The following DIP2C variants were observed in gnomAD, a reference collection of about 807,000 sequenced individuals.
DIP2C encodes the protein disco-interacting protein 2 homolog C.
Under a neutral mutation model 192.4 loss-of-function variants are expected in DIP2C, and 33 were observed. The ratio of observed to expected loss-of-function variants is 0.17; its 90% confidence interval spans 0.13 to 0.23. DIP2C has a LOEUF of 0.23. Ranked by LOEUF, DIP2C falls within the 10% of genes least tolerant of loss-of-function variation. The pLI, the probability that DIP2C is intolerant of heterozygous loss-of-function variation, is 1.00. For synonymous variants in DIP2C, 979 were observed against 864.1 expected (o/e 1.13, Z -2.33); for missense variants, 1,537 against 2,110.1 (o/e 0.73, Z 5.32).
At chr10:578,101 T>G (rs1850292636) in intron 1 of DIP2C, among the ~76,000 whole-genome samples, 1 of 152,256 alleles carries the variant, frequency 6.6e-6, no homozygotes, top group East Asian at 1.9e-4. Context: ...CACAAAGTCC[T>G]TATTTTCCCT....
chr10:386,615 A>G (rs1260434921), intron 14 of DIP2C, among the ~76,000 whole-genome samples: 1 of 152,236 alleles, frequency 6.6e-6, no homozygotes, highest in Non-Finnish European at 1.5e-5. Context: ...CACGGAAAGA[A>G]GCCAGCCGGG....
At chr10:615,764 TTA>T (rs1249253921) in intron 1 of DIP2C, among the ~76,000 whole-genome samples, 2 of 152,128 alleles carry the variant, frequency 1.3e-5, no homozygotes, top group African/African-American at 4.8e-5. Context: ...CTTCTTGACT[TTA>T]GTGTTTAAAA....
At chr10:451,425 A>AACCACAACC (rs1490823037) in intron 3 of DIP2C, among the ~76,000 whole-genome samples, 1 of 152,152 alleles carries the variant, frequency 6.6e-6, no homozygotes. Context: ...GTAAAAACAA[A>AACCACAACC]ACCACAACCA....
At chr10:534,636 G>A (rs1245331167) in intron 1 of DIP2C, among the ~76,000 whole-genome samples, 2 of 151,218 alleles carry the variant, frequency 1.3e-5, no homozygotes, top group African/African-American at 4.9e-5. Context: ...CTCCCAGGCT[G>A]TCATCTTACA....
intron 4 of DIP2C, among the ~76,000 whole-genome samples, chr10:426,776 T>G (rs1346484967): frequency 1.3e-5 from 2 of 152,150 alleles, no homozygotes; most frequent in African/African-American, 4.8e-5. Flanking sequence ...TCAACAAATG[T>G]TGCTGTGGCA....
chr10:340,211 ATT>A (rs139832898), intron 29 of DIP2C, among the ~76,000 whole-genome samples: 3,689 of 152,130 alleles, frequency 0.024, 139 homozygotes, highest in African/African-American at 0.085. Flanking sequence ...TCCACTATAA[ATT>A]TTGAGAAAAT....
At chr10:415,127 G>GCATC (rs1412244084) in intron 7 of DIP2C, among the ~76,000 whole-genome samples, 1 of 151,838 alleles carries the variant, frequency 6.6e-6, no homozygotes, top group Non-Finnish European at 1.5e-5. Flanking sequence ...TAAAATCAGT[G>GCATC]CATCATAAAT....
chr10:281,568 G>C (rs1281877269), intron 35 of DIP2C, among the ~76,000 whole-genome samples: 1 of 152,224 alleles, frequency 6.6e-6, no homozygotes, highest in Non-Finnish European at 1.5e-5. Flanking sequence ...TGTGCTTTGG[G>C]AGAAGATCTT....
chr10:688,529 T>A (rs1564343067), intron 1 of DIP2C, among the ~76,000 whole-genome samples: 1 of 152,140 alleles, frequency 6.6e-6, no homozygotes. Context: ...CATGCTAAAC[T>A]GCTCCAAATA....
chr10:533,625 T>C (rs1463749741), intron 1 of DIP2C, among the ~76,000 whole-genome samples: 1 of 148,438 alleles, frequency 6.7e-6, no homozygotes, highest in African/African-American at 2.5e-5. Flanking sequence ...TGCCTCCCCA[T>C]GCTCTTCCTA....
intron 3 of DIP2C, among the ~76,000 whole-genome samples, chr10:467,410 T>C (rs553681388): frequency 4.5e-4 from 67 of 149,176 alleles, no homozygotes; most frequent in East Asian, 2.2e-3. Flanking sequence ...AGGGATAGCA[T>C]TGGGAGATAT....
chr10:410,033 A>T (rs1207008874), intron 8 of DIP2C, among the ~76,000 whole-genome samples: 1 of 152,206 alleles, frequency 6.6e-6, no homozygotes, highest in Non-Finnish European at 1.5e-5. Context: ...TCACTGTTTT[A>T]ATCTTTTCCC....
At chr10:558,783 A>AT (rs1341391071) in intron 1 of DIP2C, among the ~76,000 whole-genome samples, 1 of 152,150 alleles carries the variant, frequency 6.6e-6, no homozygotes, top group Non-Finnish European at 1.5e-5. Context: ...AATATTGATT[A>AT]TTTTAAGTTA....
At chr10:566,984 T>A (rs1210443932) in intron 1 of DIP2C, among the ~76,000 whole-genome samples, 2 of 152,184 alleles carry the variant, frequency 1.3e-5, no homozygotes, top group Non-Finnish European at 2.9e-5. Flanking sequence ...CTCTTTGAGA[T>A]GAACTGACCT....
At chr10:411,403 CAG>C (rs780854007) in intron 8 of DIP2C, among the ~76,000 whole-genome samples, 3 of 152,146 alleles carry the variant, frequency 2.0e-5, no homozygotes, top group Non-Finnish European at 2.9e-5. Flanking sequence ...AAGTGGAAAA[CAG>C]AATGATGTTT....
chr10:431,881 G>GT (rs1266974886), intron 4 of DIP2C, among the ~76,000 whole-genome samples: 3 of 152,144 alleles, frequency 2.0e-5, no homozygotes, highest in Non-Finnish European at 2.9e-5. Context: ...TTAACAATAG[G>GT]TTTTTTGTCC....
At chr10:303,516 TTTTAC>T (rs1956155904) in intron 32 of DIP2C, among the ~76,000 whole-genome samples, 1 of 151,534 alleles carries the variant, frequency 6.6e-6, no homozygotes, top group Admixed American at 6.6e-5. Context: ...ATTAAAAGTT[TTTTAC>T]TTTTTTTTTT....
At chr10:618,700 AATT>A (rs1853638266) in intron 1 of DIP2C, among the ~76,000 whole-genome samples, 3 of 152,318 alleles carry the variant, frequency 2.0e-5, no homozygotes, top group African/African-American at 4.8e-5. Flanking sequence ...ACCGTGGAAT[AATT>A]ATTTGGGAAC....
At chr10:421,956 G>A (rs1175925354) in intron 5 of DIP2C, among the ~76,000 whole-genome samples, 1 of 152,208 alleles carries the variant, frequency 6.6e-6, no homozygotes, top group African/African-American at 2.4e-5. Flanking sequence ...AAAGGAGTCA[G>A]TGATCTAGAA....
Sources: gnomAD v4.1 joint callset for allele counts (sites outside exome capture counted in the v4.1 genomes callset) on GRCh38, gnomAD v4.1.1 for gene constraint, MANE v1.5 for transcripts, NCBI Gene and HGNC (gene_info 2026-07-23, HGNC 2026-07-21) for gene names.